Variants in ZNF565 observed in about 807,000 individuals in gnomAD.
ZNF565 encodes the protein zinc finger protein 565.
In ZNF565, 27 loss-of-function variants were observed where a neutral mutation model predicts 39.4. The ratio of observed to expected loss-of-function variants is 0.69; its 90% confidence interval spans 0.51 to 0.95. ZNF565 has a LOEUF of 0.95. Ranked by LOEUF, ZNF565 falls within the 40% of genes least tolerant of loss-of-function variation. The pLI, the probability that ZNF565 is intolerant of heterozygous loss-of-function variation, is 0.00. For missense variants in ZNF565, 524 were observed against 621.1 expected, an observed-to-expected ratio of 0.84 and a Z score of 1.66; for synonymous variants, 185 against 216.6, an observed-to-expected ratio of 0.85 and a Z score of 1.28.
chr19:36,199,532 G>A (rs1368905977), intron 2 of ZNF565, among the ~76,000 whole-genome samples: 1 of 124,686 alleles, frequency 8.0e-6, no homozygotes, highest in Admixed American at 8.8e-5. Context: ...TTTTGAGACA[G>A]GGTCTAAGTC....
chr19:36,221,016 C>T (rs1426783603), intron 1 of ZNF565, among the ~76,000 whole-genome samples: 1 of 151,772 alleles, frequency 6.6e-6, no homozygotes, highest in Non-Finnish European at 1.5e-5. Flanking sequence ...TGACGCCTAG[C>T]TAATTTTTGT....
intron 1 of ZNF565, chr19:36,213,260 G>C (rs1976434426): frequency 6.6e-6 from 1 of 152,312 alleles, no homozygotes; most frequent in African/African-American, 2.4e-5. Flanking sequence ...ACCTAGACTG[G>C]AATGCAGTGG....
chr19:36,205,294 G>A (rs552247445), intron 1 of ZNF565, among the ~76,000 whole-genome samples: 1 of 152,198 alleles, frequency 6.6e-6, no homozygotes, highest in South Asian at 2.1e-4. Context: ...TTGGGAGGCC[G>A]AGGCAGGCGG....
chr19:36,237,247 G>A, intron 1 of ZNF565: 1 of 1,614,014 alleles, frequency 6.2e-7, no homozygotes, highest in Non-Finnish European at 8.5e-7. Context: ...AGCCTTATCA[G>A]TGCAGTGAAT....
rs1202707110 is a variant in ZNF565 at position 36,183,493 on chromosome 19, T to C, written c.473A>G (p.Gln158Arg). 6.2e-7 allele frequency: 1 copy of C among 1,614,244 alleles called. No individual in the cohort carries two copies. Among genetic ancestry groups the C allele is most frequent in the Non-Finnish European group, 8.5e-7 (1 of 1,180,046 alleles). ...CAGTTTCTCACCAGTCTCCCTGCTCTGACGTACAGTGTGAGACGTGTGATG... is the reference window on the plus strand; with the variant it reads ...CAGTTTCTCACCAGTCTCCCTGCTCCGACGTACAGTGTGAGACGTGTGATG... ...FQHHTSHTVRQSRETGEKLME... is the reference protein window; with the variant it reads ...FQHHTSHTVRRSRETGEKLME... The change falls in exon 5 of 5, where the codon CAG becomes CGG. Residue 158 changes from glutamine (Q) to arginine (R), a missense_variant. Physicochemically the swap from Gln to Arg is conservative, Grantham distance 43. Transcript: ENST00000304116.
rs960648246 is a variant in ZNF565, at chr19:36,187,997, G to A, written c.233-4264C>T. Reference sequence around the variant, plus strand: ...CACACAAGAAGAAATTAACAAAATCGTCATCTTGGAGATTTCAATTCACCT... The same window carrying A: ...CACACAAGAAGAAATTAACAAAATCATCATCTTGGAGATTTCAATTCACCT... On this transcript the variant is annotated intron_variant, in intron 4 of 4. Transcript: ENST00000304116. Among the ~76,000 whole-genome samples, 30 of 151,558 alleles carry A rather than the reference G, an allele frequency of 2.0e-4. No homozygotes were observed. In the East Asian group the frequency reaches 2.3e-3, roughly 12 times the overall value.
At chr19:36,184,651 C>T (rs1975225257) in intron 4 of ZNF565, among the ~76,000 whole-genome samples, 1 of 152,074 alleles carries the variant, frequency 6.6e-6, no homozygotes. Flanking sequence ...CCCCTGGCAA[C>T]CATTACTGGC....
chr19:36,239,793 CAG>C (rs1246316828), intron 1 of ZNF565, among the ~76,000 whole-genome samples: 24 of 152,276 alleles, frequency 1.6e-4, no homozygotes, highest in African/African-American at 4.6e-4. Context: ...AGACCCTAGA[CAG>C]AGTTCTATTT....
At chr19:36,214,349 C>G (rs567013698) in intron 1 of ZNF565, among the ~76,000 whole-genome samples, 1 of 152,138 alleles carries the variant, frequency 6.6e-6, no homozygotes, top group East Asian at 1.9e-4. Flanking sequence ...ACAGGGCGAA[C>G]AGGCCACATA....
upstream of ZNF565, among the ~76,000 whole-genome samples, chr19:36,219,366 T>G (rs975887299): frequency 2.0e-5 from 3 of 152,172 alleles, no homozygotes; most frequent in Non-Finnish European, 4.4e-5. Flanking sequence ...AGTCTTACTA[T>G]GTTGCCCAGG....
At chr19:36,201,929 C>T in intron 2 of ZNF565, 48 bp downstream of exon 2, 2 of 1,607,768 alleles carry the variant, frequency 1.2e-6, no homozygotes, top group Non-Finnish European at 1.7e-6. Context: ...TCCATATAAT[C>T]TGGCGGGAAG....
intron 4 of ZNF565, among the ~76,000 whole-genome samples, chr19:36,185,538 A>G (rs2145297123): frequency 6.6e-6 from 1 of 152,060 alleles, no homozygotes; most frequent in South Asian, 2.1e-4. Context: ...TTCACATTGA[A>G]CATTCTCCCC....
intron 4 of ZNF565, among the ~76,000 whole-genome samples, chr19:36,192,309 G>A (rs780368054): frequency 1.4e-4 from 22 of 152,080 alleles, no homozygotes; most frequent in Non-Finnish European, 2.8e-4. Flanking sequence ...AATAAGCCAT[G>A]TTGATGTCTG....
chr19:36,240,629 G>A (rs1039001896), intron 1 of ZNF565, among the ~76,000 whole-genome samples: 2 of 152,194 alleles, frequency 1.3e-5, no homozygotes, highest in Admixed American at 1.3e-4. Context: ...AGCACTCTGG[G>A]AGGCCGAGGC....
intron 4 of ZNF565, among the ~76,000 whole-genome samples, chr19:36,183,960 C>T (rs1359756364): frequency 6.6e-6 from 1 of 151,144 alleles, no homozygotes; most frequent in East Asian, 2.0e-4. Context: ...CACCTGTAAT[C>T]CCAGCTACTA....
chr19:36,223,547 TAG>T (rs2145415282), intron 1 of ZNF565, among the ~76,000 whole-genome samples: 1 of 152,002 alleles, frequency 6.6e-6, no homozygotes, highest in Non-Finnish European at 1.5e-5. Flanking sequence ...GTATTTTTAG[TAG>T]AGACGGGGTT....
At position 36,183,464 on chromosome 19, in the gene ZNF565, C is replaced by T; in HGVS notation, c.502G>A (p.Glu168Lys). ...AATGCTTTCCCACATTCATGACATT[C>T]CATCAGTTTCTCACCAGTCTCCCTG... ...QSRETGEKLM[E>K]CHECGKAFSR... The change falls in exon 5 of 5, where the codon GAA (glutamate) becomes AAA (lysine). Residue 168 changes from glutamate (E) to lysine (K), a missense_variant. Coordinates refer to ENST00000304116, the MANE Select transcript of ZNF565 (RefSeq NM_152477.5). 1.2e-6 allele frequency: 2 copies of T among 1,614,230 alleles called. No homozygotes were observed. Among genetic ancestry groups the T allele is most frequent in the Non-Finnish European group, 1.7e-6 (2 of 1,180,046 alleles).
At chr19:36,182,254 A>T, downstream of ZNF565, 1 of 423,414 alleles carries the variant, frequency 2.4e-6, no homozygotes. Context: ...TTTTTTTAGC[A>T]TAGATTATCT....
At chr19:36,224,967 C>G (rs1977007117) in intron 1 of ZNF565, among the ~76,000 whole-genome samples, 1 of 140,966 alleles carries the variant, frequency 7.1e-6, no homozygotes, top group Non-Finnish European at 1.5e-5. Flanking sequence ...TAATATTATT[C>G]CCTGCTTTCC....
Sources: allele counts gnomAD v4.1 joint callset (sites outside exome capture counted in the v4.1 genomes callset), GRCh38; gene constraint gnomAD v4.1.1; transcripts MANE v1.5; gene names NCBI Gene and HGNC (gene_info 2026-07-23, HGNC 2026-07-21).